Variants in PLGRKT observed in about 807,000 individuals in gnomAD.
PLGRKT encodes plasminogen receptor (KT).
PLGRKT carries 22 observed loss-of-function variants against 18.5 expected under a neutral mutation model. The ratio of observed to expected loss-of-function variants is 1.19; its 90% CI spans 0.85 to 1.70. PLGRKT has a LOEUF of 1.70. PLGRKT is among the 40% of genes most tolerant of loss of function. PLGRKT has a pLI of 0.00. For missense variants in PLGRKT, 235 were observed against 174.4 expected, an observed-to-expected ratio of 1.35 and a Z score of -1.96; for synonymous variants, 72 against 52.8, an observed-to-expected ratio of 1.36 and a Z score of -1.58.
intron 3 of PLGRKT, among the ~76,000 whole-genome samples, chr9:5,408,662 A>G (rs140538231): frequency 6.4e-4 from 98 of 152,370 alleles, no homozygotes; most frequent in African/African-American, 2.1e-3. Context: ...ATCAATTTGC[A>G]TAAGTAAAGA....
intron 3 of PLGRKT, among the ~76,000 whole-genome samples, chr9:5,413,423 G>A (rs961253446): frequency 6.6e-6 from 1 of 152,076 alleles, no homozygotes; most frequent in African/African-American, 2.4e-5. Context: ...CTCAGCTCAG[G>A]ATTTTAAGAT....
At chr9:5,406,698 C>G (rs537781192) in intron 3 of PLGRKT, among the ~76,000 whole-genome samples, 1 of 152,174 alleles carries the variant, frequency 6.6e-6, no homozygotes, top group Non-Finnish European at 1.5e-5. Flanking sequence ...GTACAGCAAA[C>G]CACCATGGTA....
chr9:5,397,148 T>C (rs1563778689), intron 3 of PLGRKT, among the ~76,000 whole-genome samples: 1 of 151,950 alleles, frequency 6.6e-6, no homozygotes, highest in Non-Finnish European at 1.5e-5. Context: ...AATTGTAGGC[T>C]TCCTACTAGT....
intron 3 of PLGRKT, among the ~76,000 whole-genome samples, chr9:5,367,020 TACACACACATACACACACAC>T (rs1164633045): frequency 1.7e-4 from 10 of 58,154 alleles, no homozygotes; most frequent in Admixed American, 1.1e-3. Flanking sequence ...GACAGACAGA[TACACACACATACACACACAC>T]ACACACACAC....
rs1818511001 is a variant in PLGRKT, at chr9:5,418,625, G to A, written c.81+13272C>T. ...TGCCGGTTCCTGGGCAGCAGGTGGC[G>A]GCTCATATCTCCGGGCAGCAGCGCG... On this transcript the variant is annotated intron_variant, in intron 3 of 5. Coordinates refer to ENST00000223864, the MANE Select transcript of PLGRKT (RefSeq NM_018465.4). This position sits in a 1 kb window ranked among gnomAD's most constrained non-coding sequence, Gnocchi z 4.2. The A allele has an allele frequency of 4.2e-6, 3 of 713,758 alleles. No individual in the cohort carries two copies. Among genetic ancestry groups the A allele is most frequent in the South Asian group, 2.9e-5 (2 of 69,074 alleles). The allele number at this position is 713,758 out of a possible 1,614,324, so 44.2% of individuals were successfully genotyped here. A position where few individuals can be genotyped will look rare whatever the true frequency, so the allele number is the denominator to read the frequency against.
intron 3 of PLGRKT, among the ~76,000 whole-genome samples, chr9:5,408,174 G>A (rs538930800): frequency 6.6e-6 from 1 of 152,332 alleles, no homozygotes; most frequent in South Asian, 2.1e-4. Flanking sequence ...TGTGAAATGG[G>A]CAGAGGTTGG....
chr9:5,365,668 G>T (rs975593989), intron 3 of PLGRKT, among the ~76,000 whole-genome samples: 1 of 152,178 alleles, frequency 6.6e-6, no homozygotes, highest in East Asian at 1.9e-4. Flanking sequence ...AAATCTGAAC[G>T]TGGGATGTAT....
intron 3 of PLGRKT, among the ~76,000 whole-genome samples, chr9:5,401,250 A>G (rs959300397): frequency 6.6e-6 from 1 of 151,568 alleles, no homozygotes; most frequent in African/African-American, 2.4e-5. Flanking sequence ...TCAAAGACAT[A>G]AAGAAATAAG....
At position 5,359,746 on chromosome 9, in the gene PLGRKT, A is replaced by G. The variant is rs1817222037; in HGVS notation, c.322+1332T>C. On this transcript the variant is annotated intron_variant, in intron 5 of 5. Transcript: ENST00000223864. ...GAAATTCCCACAAAAATTTCCTATT[A>G]AATTTCTGTGCCAGCTGGGTCAAAT... Among the ~76,000 whole-genome samples, 3 of 152,352 alleles carry G rather than the reference A, an allele frequency of 2.0e-5. No individual in the cohort carries two copies. The South Asian group carries it at 6.2e-4, about 32-fold the overall frequency.
intron 3 of PLGRKT, among the ~76,000 whole-genome samples, chr9:5,371,002 G>A (rs1563768472): frequency 6.6e-6 from 1 of 152,162 alleles, no homozygotes; most frequent in African/African-American, 2.4e-5. Flanking sequence ...CCAAGTTGTA[G>A]TATTATTCAA....
intron 3 of PLGRKT, among the ~76,000 whole-genome samples, chr9:5,362,836 T>A (rs1029438103): frequency 2.6e-5 from 4 of 152,096 alleles, no homozygotes; most frequent in Non-Finnish European, 4.4e-5. Context: ...CCAGAAGATA[T>A]GACGGAAGCC....
chr9:5,431,846 G>A, intron 3 of PLGRKT, 51 bp downstream of exon 3: 1 of 872,596 alleles, frequency 1.1e-6, no homozygotes, highest in Non-Finnish European at 1.9e-6. Context: ...ACATGTGGTA[G>A]AAACTTTAAG....
chr9:5,362,762 G>A (rs911735), intron 3 of PLGRKT, among the ~76,000 whole-genome samples: 22,428 of 152,020 alleles, frequency 0.15, 1,926 homozygotes, highest in East Asian at 0.3. Flanking sequence ...GCTGGGAGGG[G>A]CGAATGATAG....
At position 5,358,278 on chromosome 9, in the gene PLGRKT, T is replaced by A. The variant is rs1563762924; in HGVS notation, c.405A>T (p.Lys135Asn). 1.2e-6 allele frequency: 2 copies of A among 1,608,920 alleles called. No homozygotes were observed. Among genetic ancestry groups the A allele is most frequent in the Non-Finnish European group, 8.5e-7 (1 of 1,175,488 alleles). The stretch of plus-strand genomic sequence containing the variant: ...AGAATCTACTCTGTTCCTTTCTGGC[T>A]TTTTCAATGCTTTCAAAAGTGATCA... The part of the protein sequence containing the change: ...RGMITFESIE[K>N]ARKEQSRFFI... Residue 135 changes from lysine to asparagine, a missense_variant, in exon 6 of 6, where the codon AAA (lysine) becomes AAT (asparagine). Coordinates refer to ENST00000223864, the MANE Select transcript of PLGRKT (RefSeq NM_018465.4).
intron 3 of PLGRKT, among the ~76,000 whole-genome samples, chr9:5,367,020 TACACACACATACACAC>T (rs1458826341): frequency 4.1e-4 from 24 of 58,218 alleles, no homozygotes; most frequent in Non-Finnish European, 7.3e-4. Flanking sequence ...GACAGACAGA[TACACACACATACACAC>T]ACACACACAC....
At chr9:5,368,648 G>A (rs1385635467) in intron 3 of PLGRKT, among the ~76,000 whole-genome samples, 1 of 152,054 alleles carries the variant, frequency 6.6e-6, no homozygotes, top group East Asian at 1.9e-4. Flanking sequence ...TCACCATTTG[G>A]GTGATGGAAT....
intron 3 of PLGRKT, among the ~76,000 whole-genome samples, chr9:5,396,669 T>C (rs1254787444): frequency 6.6e-6 from 1 of 152,012 alleles, no homozygotes; most frequent in African/African-American, 2.4e-5. Flanking sequence ...TGACTCTTTA[T>C]ATCCAGAAGG....
At chr9:5,378,894 GC>G (rs1214102901) in intron 3 of PLGRKT, among the ~76,000 whole-genome samples, 1 of 152,076 alleles carries the variant, frequency 6.6e-6, no homozygotes, top group Non-Finnish European at 1.5e-5. Flanking sequence ...TATCTGTATA[GC>G]CAATAAATAT....
At chr9:5,364,785 T>C (rs1012417002) in intron 3 of PLGRKT, among the ~76,000 whole-genome samples, 29 of 152,156 alleles carry the variant, frequency 1.9e-4, no homozygotes, top group African/African-American at 1.9e-4. Flanking sequence ...AACAAGTAAA[T>C]TGACAGAAGA....
Sources: gnomAD v4.1 joint callset for allele counts (sites outside exome capture counted in the v4.1 genomes callset) on GRCh38, gnomAD v4.1.1 for gene constraint, Gnocchi (gnomAD v3.1) non-coding constraint, MANE v1.5 for transcripts, NCBI Gene and HGNC (gene_info 2026-07-23, HGNC 2026-07-21) for gene names.